The following ZNF37A variants were observed in gnomAD, a reference collection of about 807,000 sequenced individuals.
ZNF37A encodes the protein zinc finger protein 37A, also known as zinc finger protein 37a (KOX 21).
In ZNF37A, 10 loss-of-function variants were observed where a neutral mutation model predicts 12.3. That is an observed-to-expected ratio of 0.82 (90% CI 0.50 to 1.38). ZNF37A has a LOEUF of 1.38. Ranked by LOEUF, ZNF37A falls within the 40% of genes most tolerant of loss-of-function variation. ZNF37A has a pLI of 0.00. For missense variants in ZNF37A, 580 were observed against 651.2 expected, an observed-to-expected ratio of 0.89 and a Z score of 1.19; for synonymous variants, 207 against 223.0, an observed-to-expected ratio of 0.93 and a Z score of 0.64.
chr10:38,126,979 G>A (rs543424093), downstream of ZNF37A, among the ~76,000 whole-genome samples: 2 of 152,142 alleles, frequency 1.3e-5, no homozygotes, highest in Non-Finnish European at 2.9e-5. Context: ...TAAAAACTTG[G>A]ACTTGTAGGG....
intron 7 of ZNF37A, chr10:38,142,386 T>A (rs2070196088): frequency 6.6e-6 from 1 of 152,208 alleles, no homozygotes; most frequent in Non-Finnish European, 1.5e-5. Context: ...AGGACACTAA[T>A]TCATATCTAC....
Position 38,118,646 on chromosome 10 carries a change from C to T in ZNF37A, c.1495C>T (p.Gln499Ter). The T allele has an allele frequency of 1.2e-6, 2 of 1,608,714 alleles. No individual in the cohort carries two copies. The highest frequency in any genetic ancestry group is 2.2e-5 in the South Asian group (2 of 89,846). The change falls in exon 8 of 8, where the codon CAA becomes TAA. Residue 499 changes from glutamine (Q) to a stop codon, truncating the protein, a stop_gained. Coordinates refer to ENST00000685332, the MANE Select transcript of ZNF37A (RefSeq NM_001324250.3). LOFTEE classifies it low-confidence loss of function (END_TRUNC). ...HIRQKPYGCN[Q>*]CGKSFCVKSK... ...AAGACAGAAACCCTATGGATGTAAT[C>T]AATGTGGAAAATCATTCTGTGTGAA...
At chr10:38,137,564 A>G (rs563037699) in intron 7 of ZNF37A, 4 of 152,292 alleles carry the variant, frequency 2.6e-5, no homozygotes, top group Admixed American at 2.6e-4. Context: ...CCATAATTAG[A>G]ACACAGAGCC....
chr10:38,109,497 C>T (rs1359294223), intron 5 of ZNF37A, among the ~76,000 whole-genome samples: 3 of 152,112 alleles, frequency 2.0e-5, no homozygotes, highest in African/African-American at 7.2e-5. Flanking sequence ...CCAAGGCATT[C>T]AGGCAAGAGA....
Position 38,114,631 on chromosome 10 carries a change from G to C in ZNF37A, c.16-124G>C, listed in dbSNP as rs1481069475. 16 of 1,170,162 alleles carry C rather than the reference G, an allele frequency of 1.4e-5. No homozygotes were observed. In the Admixed American group the frequency reaches 3.1e-4, roughly 22 times the overall value. The allele number at this position is 1,170,162 out of a possible 1,614,324, so 72.5% of individuals were successfully genotyped here. On this transcript the variant is annotated intron_variant, in intron 5 of 7. Transcript: ENST00000685332. ...ACATAAAACAACATATATCATAGGG[G>C]CCCTTTATAACAGTTTCTATTTAAT...
exon 8 of ZNF37A, chr10:38,147,647 T>G (rs2070271411): frequency 6.6e-6 from 1 of 152,186 alleles, no homozygotes. Flanking sequence ...AACACATCTC[T>G]GATACAAGAA....
At chr10:38,127,540 T>C (rs1198008812), downstream of ZNF37A, among the ~76,000 whole-genome samples, 3 of 152,176 alleles carry the variant, frequency 2.0e-5, no homozygotes, top group Non-Finnish European at 4.4e-5. Flanking sequence ...AGGTGGTGAA[T>C]TTCTCTAAGT....
intron 4 of ZNF37A, among the ~76,000 whole-genome samples, 179 bp downstream of exon 4, chr10:38,095,983 G>C (rs1482358116): frequency 6.6e-6 from 1 of 152,018 alleles, no homozygotes; most frequent in Admixed American, 6.6e-5. Flanking sequence ...TCAGGAGTTC[G>C]AGACCAGCCT....
At chr10:38,146,793 C>G (rs111667182) in exon 8 of ZNF37A, 16 of 398,224 alleles carry the variant, frequency 4.0e-5, no homozygotes, top group African/African-American at 1.6e-4. Flanking sequence ...CCAGCTCGGT[C>G]GTGGAGACTC....
chr10:38,111,529 A>G (rs574981173), intron 5 of ZNF37A, among the ~76,000 whole-genome samples: 6 of 152,212 alleles, frequency 3.9e-5, no homozygotes, highest in Middle Eastern at 3.4e-3. Flanking sequence ...TTTACTGTCA[A>G]ATACTCAATC....
intron 5 of ZNF37A, among the ~76,000 whole-genome samples, chr10:38,097,306 T>G (rs928024337): frequency 1.3e-5 from 2 of 152,100 alleles, no homozygotes; most frequent in Non-Finnish European, 2.9e-5. Flanking sequence ...TAGGCCGGGC[T>G]AGGTGGCTCA....
At chr10:38,144,837 C>T (rs914111747) in intron 7 of ZNF37A, among the ~76,000 whole-genome samples, 1 of 152,054 alleles carries the variant, frequency 6.6e-6, no homozygotes, top group Non-Finnish European at 1.5e-5. Context: ...AACTAAGTCT[C>T]GTATGCAGCA....
Position 38,118,863 on chromosome 10 carries a change from C to A in ZNF37A, c.*26C>A. ...AGTCAGAACTTTGTAGAACACAGAA[C>A]ATAAAGGGTGAGAGAAATCTGTTAA... On this transcript the variant is annotated 3_prime_UTR_variant, in exon 8 of 8. Transcript: ENST00000685332. 1.3e-6 allele frequency: 2 copies of A among 1,531,228 alleles called. No homozygotes were observed. Among genetic ancestry groups the A allele is most frequent in the Non-Finnish European group, 1.7e-6 (2 of 1,144,978 alleles). 94.9% of individuals were successfully genotyped at this position (1,531,228 alleles called of 1,614,324 possible).
At chr10:38,128,564 A>G (rs1431089523), downstream of ZNF37A, among the ~76,000 whole-genome samples, 1 of 152,146 alleles carries the variant, frequency 6.6e-6, no homozygotes, top group African/African-American at 2.4e-5. Flanking sequence ...AAAATTTTGG[A>G]TCAGGAACTA....
At chr10:38,109,600 C>G (rs1017885007) in intron 5 of ZNF37A, among the ~76,000 whole-genome samples, 3 of 152,186 alleles carry the variant, frequency 2.0e-5, no homozygotes, top group African/African-American at 7.2e-5. Context: ...ACCCCATCAT[C>G]TCAGCCCAAA....
At chr10:38,141,054 G>A (rs2070175172) in intron 7 of ZNF37A, 2 of 152,172 alleles carry the variant, frequency 1.3e-5, no homozygotes, top group African/African-American at 2.4e-5. Context: ...ATCCAATGAG[G>A]GACCCATATT....
chr10:38,133,253 T>A (rs759768566), intron 7 of ZNF37A, among the ~76,000 whole-genome samples: 5 of 152,222 alleles, frequency 3.3e-5, no homozygotes, highest in Admixed American at 3.3e-4. Flanking sequence ...GAATTGTTAA[T>A]CTGTTCAGAT....
In ZNF37A at chr10:38,118,337, T is replaced by C. The variant is rs147904601; in HGVS notation, c.1186T>C (p.Ser396Pro). The change falls in exon 8 of 8, where the codon TCA becomes CCA. Residue 396 changes from serine (S) to proline (P), a missense_variant. Transcript: ENST00000685332. Reference protein sequence around the residue: ...YACGKAFLRKSDLIKHQRIHT... With the variant: ...YACGKAFLRKPDLIKHQRIHT... ...ATGTGGGAAAGCCTTTCTCAGAAAA[T>C]CAGACCTCATTAAACATCAAAGAAT... The C allele has an allele frequency of 1.9e-6, 3 of 1,613,490 alleles. No homozygotes were observed. The highest frequency in any genetic ancestry group is 2.5e-6 in the Non-Finnish European group (3 of 1,179,896).
intron 7 of ZNF37A, among the ~76,000 whole-genome samples, chr10:38,116,037 T>G (rs2069245604): frequency 6.6e-6 from 1 of 152,084 alleles, no homozygotes; most frequent in Non-Finnish European, 1.5e-5. Context: ...GCCATTGCAC[T>G]GCAGCCTGGG....
Sources: gnomAD v4.1 joint callset for allele counts (sites outside exome capture counted in the v4.1 genomes callset) on GRCh38, gnomAD v4.1.1 for gene constraint, MANE v1.5 for transcripts, NCBI Gene and HGNC (gene_info 2026-07-23, HGNC 2026-07-21) for gene names.